Variants in IGFBP7 observed in about 807,000 individuals in gnomAD.
The protein encoded by IGFBP7 is insulin like growth factor binding protein 7, also known as insulin-like growth factor-binding protein 7.
A neutral mutation model predicts 29.4 loss-of-function variants in IGFBP7; 31 were observed. The observed-to-expected ratio is 1.05, with a 90% CI of 0.79 to 1.42. IGFBP7 has a LOEUF of 1.42. IGFBP7 is among the 40% of genes most tolerant of loss of function. IGFBP7 has a pLI of 0.00. For missense variants in IGFBP7, 393 were observed against 395.5 expected (o/e 0.99, Z 0.05); for synonymous variants, 172 against 174.9 (o/e 0.98, Z 0.13).
At chr4:57,108,520 A>G (rs1726090850) in intron 1 of IGFBP7, among the ~76,000 whole-genome samples, 1 of 143,942 alleles carries the variant, frequency 6.9e-6, no homozygotes, top group Non-Finnish European at 1.5e-5. Context: ...GTGTATTTGC[A>G]AGTCCAGACT....
intron 1 of IGFBP7, among the ~76,000 whole-genome samples, chr4:57,068,281 G>A (rs1724968208): frequency 6.9e-6 from 1 of 144,766 alleles, no homozygotes. Context: ...CAGAGACCCT[G>A]TCTCAAAAAA....
rs11573025 is a variant in IGFBP7, at chr4:57,108,782, C to T, written c.475+1095G>A. On this transcript the variant is annotated intron_variant, in intron 1 of 4. Coordinates refer to ENST00000295666, the MANE Select transcript of IGFBP7 (RefSeq NM_001553.3). Reference sequence around the variant, plus strand: ...CAGGCTGATCTCGAACTCCTGACCTCGTGATCTGCCCATCTTGGCCTCCCA... The same window carrying T: ...CAGGCTGATCTCGAACTCCTGACCTTGTGATCTGCCCATCTTGGCCTCCCA... 7.2e-3 allele frequency among the ~76,000 whole-genome samples: 1,097 copies of T among 152,174 alleles called. 11 individuals are homozygous for T. The highest frequency in any genetic ancestry group is 0.025 in the African/African-American group (1,032 of 41,510).
intron 1 of IGFBP7, among the ~76,000 whole-genome samples, chr4:57,086,271 T>C (rs959915647): frequency 6.6e-5 from 10 of 152,172 alleles, no homozygotes; most frequent in African/African-American, 9.7e-5. Context: ...CCACCAGGTC[T>C]CTCCCATGAC....
intron 1 of IGFBP7, among the ~76,000 whole-genome samples, chr4:57,088,376 G>C (rs1397553199): frequency 6.6e-6 from 1 of 152,162 alleles, no homozygotes; most frequent in Non-Finnish European, 1.5e-5. Flanking sequence ...TAAATTGTAA[G>C]TATATAAAAA....
At chr4:57,066,430 A>G (rs1354400979) in intron 1 of IGFBP7, among the ~76,000 whole-genome samples, 1 of 152,222 alleles carries the variant, frequency 6.6e-6, no homozygotes, top group East Asian at 1.9e-4. Context: ...GGCCAGAACC[A>G]CAAAACTAAG....
At chr4:57,085,994 C>T (rs1163393025) in intron 1 of IGFBP7, among the ~76,000 whole-genome samples, 6 of 152,142 alleles carry the variant, frequency 3.9e-5, no homozygotes, top group African/African-American at 1.4e-4. Context: ...CTGTATTAGT[C>T]CATTTTCACA....
At chr4:57,043,165 C>A (rs983741829) in intron 1 of IGFBP7, among the ~76,000 whole-genome samples, 2 of 152,162 alleles carry the variant, frequency 1.3e-5, no homozygotes, top group Non-Finnish European at 2.9e-5. Context: ...GTTCAATCAC[C>A]AGGGGCCTTC....
Position 57,110,184 on chromosome 4 carries a change from C to T in IGFBP7, c.168G>A (p.Ala56=), listed in dbSNP as rs1006882009. 5 of 1,396,406 alleles carry T rather than the reference C, an allele frequency of 3.6e-6. No individual in the cohort carries two copies. The highest frequency in any genetic ancestry group is 4.6e-6 in the Non-Finnish European group (5 of 1,084,836). 86.5% of individuals were successfully genotyped at this position (1,396,406 alleles called of 1,614,324 possible). A position where few individuals can be genotyped will look rare whatever the true frequency, so the allele number is the denominator to read the frequency against. The change falls in exon 1 of 5, where the codon GCG becomes GCA. Residue 56 remains alanine, a synonymous_variant. Coordinates refer to ENST00000295666, the MANE Select transcript of IGFBP7 (RefSeq NM_001553.3). ...LGCLLGETRD[A]CGCCPMCARG... The stretch of plus-strand genomic sequence containing the variant: ...GGGCGCACATAGGGCAGCAGCCGCA[C>T]GCGTCGCGGGTCTCGCCCAGCAGGC...
intron 1 of IGFBP7, among the ~76,000 whole-genome samples, chr4:57,070,706 G>A (rs1444659344): frequency 6.6e-6 from 1 of 152,118 alleles, no homozygotes; most frequent in Admixed American, 6.5e-5. Flanking sequence ...CAACCAAAAG[G>A]TTCAATAAGA....
chr4:57,049,488 T>C (rs1022606087), intron 1 of IGFBP7, among the ~76,000 whole-genome samples: 2 of 152,166 alleles, frequency 1.3e-5, no homozygotes, highest in Admixed American at 6.5e-5. Flanking sequence ...TCCAGCACCT[T>C]TGCTTATGCT....
intron 1 of IGFBP7, among the ~76,000 whole-genome samples, chr4:57,082,059 G>A (rs1450527659): frequency 6.6e-6 from 1 of 152,132 alleles, no homozygotes; most frequent in African/African-American, 2.4e-5. Flanking sequence ...AACAGAAAAT[G>A]CACTGATTAG....
chr4:57,070,765 A>C (rs1725034370), intron 1 of IGFBP7, among the ~76,000 whole-genome samples: 1 of 152,236 alleles, frequency 6.6e-6, no homozygotes, highest in Non-Finnish European at 1.5e-5. Context: ...AAGCCAGCTC[A>C]CAAACTGGCC....
Position 57,037,380 on chromosome 4 carries a change from T to TG in IGFBP7, c.585+3443dup, listed in dbSNP as rs1203685601. On this transcript the variant is annotated intron_variant, in intron 2 of 4. Transcript: ENST00000295666. The stretch of plus-strand genomic sequence containing the variant: ...TCGTTGACTGACATAGTGGGTTTTT[T>TG]GGTTTTTTTTTTCAGAGACAGGATC... Among the ~76,000 whole-genome samples, 10 of 59,866 alleles carry TG rather than the reference T, an allele frequency of 1.7e-4. 1 individual carries two copies. The highest frequency in any genetic ancestry group is 6.0e-4 in the African/African-American group (7 of 11,668). 39.3% of individuals were successfully genotyped at this position (59,866 alleles called of 152,430 possible).
At chr4:57,068,881 C>CTTT (rs34976333) in intron 1 of IGFBP7, among the ~76,000 whole-genome samples, 6 of 150,542 alleles carry the variant, frequency 4.0e-5, no homozygotes, top group South Asian at 2.1e-4. Flanking sequence ...CCATTTGCTA[C>CTTT]TTTTTTTTTT....
intron 1 of IGFBP7, among the ~76,000 whole-genome samples, chr4:57,089,992 C>T (rs1369865638): frequency 6.6e-6 from 1 of 152,138 alleles, no homozygotes; most frequent in African/African-American, 2.4e-5. Flanking sequence ...GGACCCTGGT[C>T]CTTGACAGCA....
chr4:57,053,417 T>G (rs908460567), intron 1 of IGFBP7, among the ~76,000 whole-genome samples: 5 of 152,226 alleles, frequency 3.3e-5, no homozygotes, highest in Non-Finnish European at 7.3e-5. Flanking sequence ...GTGTGGTTCT[T>G]GCCCATGGTG....
In IGFBP7 at chr4:57,034,061, A is replaced by AAAC. The variant is rs574699420; in HGVS notation, c.586-751_586-750insGTT. 2.3e-3 allele frequency among the ~76,000 whole-genome samples: 349 copies of AAAC among 151,196 alleles called. 3 individuals carry two copies. Among genetic ancestry groups the AAAC allele is most frequent in the Non-Finnish European group, 3.8e-3 (258 of 67,816 alleles). Reference sequence around the variant, plus strand: ...TGAGACTCCATCTCAAAAAAAAAAAAAAAAAAACAGCTGTCAAATACATGT... The same window carrying AAAC: ...TGAGACTCCATCTCAAAAAAAAAAAAAACAAAAAAACAGCTGTCAAATACATGT... On this transcript the variant is annotated intron_variant, in intron 2 of 4. Transcript: ENST00000295666.
At chr4:57,091,860 T>C (rs1276774893) in intron 1 of IGFBP7, among the ~76,000 whole-genome samples, 1 of 152,172 alleles carries the variant, frequency 6.6e-6, no homozygotes, top group Non-Finnish European at 1.5e-5. Flanking sequence ...GGTAAAAATG[T>C]TGTAAGTAAA....
At chr4:57,087,243 G>A (rs920681864) in intron 1 of IGFBP7, among the ~76,000 whole-genome samples, 1 of 152,168 alleles carries the variant, frequency 6.6e-6, no homozygotes, top group African/African-American at 2.4e-5. Context: ...AGGGTGATAG[G>A]ATGCTTTCTT....
Sources: allele counts gnomAD v4.1 joint callset (sites outside exome capture counted in the v4.1 genomes callset), GRCh38; gene constraint gnomAD v4.1.1; transcripts MANE v1.5; gene names NCBI Gene and HGNC (gene_info 2026-07-23, HGNC 2026-07-21).